The following TENM2 variants were observed in gnomAD, a reference collection of about 807,000 sequenced individuals.
The protein encoded by TENM2 is teneurin transmembrane protein 2.
TENM2 carries 52 observed loss-of-function variants against 245.2 expected under a neutral mutation model. The observed-to-expected ratio is 0.21, with a 90% CI of 0.17 to 0.27. The LOEUF (loss-of-function observed/expected upper bound fraction) is 0.27. TENM2 is among the 10% of genes least tolerant of loss of function. The pLI, the probability that TENM2 is intolerant of heterozygous loss-of-function variation, is 1.00. For missense variants in TENM2, 3,046 were observed against 3,666.8 expected, an observed-to-expected ratio of 0.83 and a Z score of 4.37; for synonymous variants, 1,363 against 1,438.9, an observed-to-expected ratio of 0.95 and a Z score of 1.19.
chr5:167,877,736 T>C (rs1055702372), intron 3 of TENM2, among the ~76,000 whole-genome samples: 2 of 152,240 alleles, frequency 1.3e-5, no homozygotes, highest in South Asian at 4.1e-4. Context: ...GAATATATTA[T>C]GAAAAATCAT....
intron 2 of TENM2, among the ~76,000 whole-genome samples, chr5:167,862,901 G>A (rs1331801047): frequency 3.3e-5 from 5 of 152,170 alleles, no homozygotes; most frequent in African/African-American, 4.8e-5. Flanking sequence ...AAGAGAGCTC[G>A]CTGCAGACTG....
chr5:167,418,313 CAAA>C (rs57972287), intron 2 of TENM2, among the ~76,000 whole-genome samples: 9 of 135,374 alleles, frequency 6.6e-5, no homozygotes, highest in Admixed American at 1.5e-4. Flanking sequence ...GAAACTGTCT[CAAA>C]AAAAAAAAAA....
At chr5:167,994,491 CTG>C (rs1783903916) in intron 5 of TENM2, among the ~76,000 whole-genome samples, 1 of 152,254 alleles carries the variant, frequency 6.6e-6, no homozygotes, top group Non-Finnish European at 1.5e-5. Flanking sequence ...AGGGGCATGA[CTG>C]TGCACCCCCA....
chr5:167,548,409 A>AT (rs1000389354), intron 2 of TENM2, among the ~76,000 whole-genome samples: 23 of 151,986 alleles, frequency 1.5e-4, no homozygotes, highest in South Asian at 8.3e-4. Flanking sequence ...CTCCCTGTAC[A>AT]TTTTTTTTCT....
chr5:167,273,806 G>A, the TENM2 span, among the ~76,000 whole-genome samples: 6 of 152,092 alleles, frequency 3.9e-5, no homozygotes, highest in African/African-American at 1.4e-4. Flanking sequence ...AAAAAGGGGT[G>A]TTTGTGTACC....
At chr5:167,555,255 G>C (rs1183894496) in intron 2 of TENM2, among the ~76,000 whole-genome samples, 1 of 152,152 alleles carries the variant, frequency 6.6e-6, no homozygotes, top group Non-Finnish European at 1.5e-5. Context: ...GATCTCAGCA[G>C]TTTGGCCTTA....
intron 2 of TENM2, among the ~76,000 whole-genome samples, chr5:167,818,984 C>A (rs1273192030): frequency 1.4e-4 from 21 of 152,178 alleles, no homozygotes; most frequent in Admixed American, 6.5e-5. Context: ...TCCCACAGGG[C>A]AATCTGTATC....
At chr5:167,490,407 CTAA>C (rs1768356095) in intron 2 of TENM2, among the ~76,000 whole-genome samples, 1 of 152,130 alleles carries the variant, frequency 6.6e-6, no homozygotes, top group Non-Finnish European at 1.5e-5. Context: ...CTAACTCCAT[CTAA>C]TAATGTTTTG....
chr5:168,065,648 TTTC>T (rs1790429193), intron 7 of TENM2, among the ~76,000 whole-genome samples: 1 of 152,048 alleles, frequency 6.6e-6, no homozygotes, highest in Non-Finnish European at 1.5e-5. Flanking sequence ...TAATTTCTAG[TTTC>T]TTCTTCTTTC....
the TENM2 span, among the ~76,000 whole-genome samples, chr5:167,258,215 G>GTATATATATATGTGTGTATATA: frequency 8.1e-6 from 1 of 122,884 alleles, no homozygotes; most frequent in African/African-American, 3.1e-5. Context: ...ATATATATAT[G>GTATATATATATGTGTGTATATA]TATATATATA....
At chr5:168,145,108 A>C (rs1464319994) in intron 12 of TENM2, among the ~76,000 whole-genome samples, 1 of 148,082 alleles carries the variant, frequency 6.8e-6, no homozygotes, top group African/African-American at 2.5e-5. Flanking sequence ...AGGTTGCGAA[A>C]ATTTTCTCCC....
intron 2 of TENM2, among the ~76,000 whole-genome samples, chr5:167,537,095 G>C (rs764489753): frequency 6.6e-6 from 1 of 151,954 alleles, no homozygotes; most frequent in Non-Finnish European, 1.5e-5. Flanking sequence ...AAATGATTTC[G>C]AGGGAATGGA....
the TENM2 span, among the ~76,000 whole-genome samples, chr5:167,107,271 A>AGAAG: frequency 0.018 from 2,728 of 151,634 alleles, 79 homozygotes; most frequent in African/African-American, 0.063. Context: ...AAAGAAAGAA[A>AGAAG]GAAGGAAGGA....
chr5:167,616,906 A>T (rs903786194), intron 2 of TENM2, among the ~76,000 whole-genome samples: 1 of 151,978 alleles, frequency 6.6e-6, no homozygotes, highest in Non-Finnish European at 1.5e-5. Flanking sequence ...TAGATTGAGC[A>T]TTTGTTCTGT....
chr5:167,574,806 G>A (rs1363269373), intron 2 of TENM2, among the ~76,000 whole-genome samples: 1 of 152,058 alleles, frequency 6.6e-6, no homozygotes, highest in South Asian at 2.1e-4. Context: ...TCCTAAATGT[G>A]GAATACATAT....
intron 5 of TENM2, among the ~76,000 whole-genome samples, chr5:168,007,194 T>C (rs1004276885): frequency 6.6e-5 from 10 of 151,952 alleles, no homozygotes; most frequent in African/African-American, 1.9e-4. Flanking sequence ...CGGCATGATC[T>C]CGGCTCACTG....
intron 4 of TENM2, among the ~76,000 whole-genome samples, chr5:167,964,322 T>A (rs1407495983): frequency 1.3e-5 from 2 of 152,198 alleles, no homozygotes; most frequent in Non-Finnish European, 2.9e-5. Flanking sequence ...TGGATCTGTC[T>A]GAGCAGTAGA....
the TENM2 span, among the ~76,000 whole-genome samples, chr5:166,980,301 A>T: frequency 2.6e-5 from 4 of 152,202 alleles, no homozygotes; most frequent in African/African-American, 9.6e-5. Flanking sequence ...ACGTACAGCA[A>T]TATCTCTCTT....
chr5:167,249,417 AT>A, the TENM2 span, among the ~76,000 whole-genome samples: 5 of 151,818 alleles, frequency 3.3e-5, no homozygotes, highest in Admixed American at 3.3e-4. Flanking sequence ...ACCAGTGCAC[AT>A]TTTTTCCCGT....
Sources: gnomAD v4.1 joint callset for allele counts (sites outside exome capture counted in the v4.1 genomes callset) on GRCh38, gnomAD v4.1.1 for gene constraint, MANE v1.5 for transcripts, NCBI Gene and HGNC (gene_info 2026-07-23, HGNC 2026-07-21) for gene names.